The following SGMS1 variants were observed in gnomAD, a reference collection of about 807,000 sequenced individuals.
SGMS1 encodes sphingomyelin synthase 1, also known as phosphatidylcholine:ceramide cholinephosphotransferase 1.
SGMS1 carries 13 observed loss-of-function variants against 46.2 expected under a neutral mutation model. That is an observed-to-expected ratio of 0.28 (90% CI 0.18 to 0.45). The LOEUF (loss-of-function observed/expected upper bound fraction) is 0.45, where lower values mean the gene tolerates loss of function less well. Among genes scored for constraint, SGMS1 ranks in the 20% least tolerant of loss-of-function variants. The pLI, the probability that SGMS1 is intolerant of heterozygous loss-of-function variation, is 1.00. For missense variants in SGMS1, 324 were observed against 519.9 expected (o/e 0.62, Z 3.66); for synonymous variants, 203 against 187.8 (o/e 1.08, Z -0.66).
intron 1 of SGMS1, among the ~76,000 whole-genome samples, chr10:50,607,974 C>T (rs1838712812): frequency 6.6e-6 from 1 of 152,228 alleles, no homozygotes; most frequent in Non-Finnish European, 1.5e-5. Context: ...TCAAAGTCAA[C>T]ATCCACCCAG....
intron 6 of SGMS1, among the ~76,000 whole-genome samples, chr10:50,424,025 A>G (rs1849291242): frequency 6.6e-6 from 1 of 152,238 alleles, no homozygotes; most frequent in African/African-American, 2.4e-5. Context: ...GCAAAGAAAC[A>G]GGGAGTCAAG....
At chr10:50,435,221 A>G (rs1279837224) in intron 5 of SGMS1, among the ~76,000 whole-genome samples, 1 of 152,224 alleles carries the variant, frequency 6.6e-6, no homozygotes, top group East Asian at 1.9e-4. Context: ...TCTAAGGCTC[A>G]GTTTCCAAGT....
chr10:50,432,297 A>G (rs1042248444), intron 6 of SGMS1, among the ~76,000 whole-genome samples: 1 of 152,122 alleles, frequency 6.6e-6, no homozygotes, highest in Non-Finnish European at 1.5e-5. Context: ...AAACAAAGGT[A>G]ATAAATACTC....
chr10:50,376,435 A>AT (rs1222884706), intron 6 of SGMS1, among the ~76,000 whole-genome samples: 2 of 152,012 alleles, frequency 1.3e-5, no homozygotes, highest in Admixed American at 6.6e-5. Flanking sequence ...ATCAATGAGC[A>AT]TTTTTTTTAA....
At chr10:50,518,182 T>TGTAGG (rs1161439488) in intron 3 of SGMS1, among the ~76,000 whole-genome samples, 2 of 152,190 alleles carry the variant, frequency 1.3e-5, no homozygotes, top group Non-Finnish European at 2.9e-5. Context: ...GGAGTCTTCA[T>TGTAGG]TAGGTATACT....
intron 9 of SGMS1, 110 bp from the exon 10 acceptor site, chr10:50,308,258 T>A: frequency 2.1e-6 from 2 of 941,214 alleles, no homozygotes; most frequent in Non-Finnish European, 3.1e-6. Context: ...TCTTCCCTTC[T>A]GAAAACAGAT....
intron 6 of SGMS1, among the ~76,000 whole-genome samples, chr10:50,356,420 G>C (rs569622036): frequency 6.6e-6 from 1 of 152,038 alleles, no homozygotes; most frequent in Admixed American, 6.5e-5. Flanking sequence ...CAAACACTGC[G>C]GAAGGCGGAA....
intron 2 of SGMS1, among the ~76,000 whole-genome samples, chr10:50,572,369 T>G (rs566112713): frequency 1.3e-5 from 2 of 152,344 alleles, no homozygotes; most frequent in Admixed American, 1.3e-4. Flanking sequence ...CTGCTTGTTC[T>G]CTAACATTCT....
chr10:50,440,265 C>G lies in SGMS1; in HGVS notation c.-312-6709G>C, dbSNP rs182514288. On this transcript the variant is annotated intron_variant, in intron 5 of 10. Coordinates refer to ENST00000361781, the MANE Select transcript of SGMS1 (RefSeq NM_147156.4). ...CTGTTACAGAACTCTCCCAGCAACC[C>G]AAATTAAAAAATATATATATATATA... 2.3e-3 allele frequency among the ~76,000 whole-genome samples: 339 copies of G among 150,362 alleles called. 2 individuals carry two copies. The highest frequency in any genetic ancestry group is 5.4e-3 in the South Asian group (26 of 4,794).
intron 2 of SGMS1, among the ~76,000 whole-genome samples, chr10:50,535,201 C>A (rs1042466955): frequency 4.0e-5 from 6 of 149,964 alleles, no homozygotes; most frequent in African/African-American, 1.5e-4. Flanking sequence ...CACTGCACTC[C>A]AGCATGGTGA....
intron 7 of SGMS1, among the ~76,000 whole-genome samples, chr10:50,331,512 A>G (rs1847623404): frequency 6.6e-6 from 1 of 152,096 alleles, no homozygotes; most frequent in Non-Finnish European, 1.5e-5. Flanking sequence ...CTAAAATTAC[A>G]TGTGTCCATT....
chr10:50,411,348 C>A (rs963866097), intron 6 of SGMS1, among the ~76,000 whole-genome samples: 3 of 152,074 alleles, frequency 2.0e-5, no homozygotes, highest in Admixed American at 1.3e-4. Context: ...ATGTCTAGGA[C>A]GTGTTTGAGC....
At chr10:50,617,020 A>T (rs541943070) in intron 1 of SGMS1, among the ~76,000 whole-genome samples, 119 of 152,314 alleles carry the variant, frequency 7.8e-4, no homozygotes, top group Admixed American at 2.7e-3. Context: ...TATAAAGAAA[A>T]GTAGGGGCTC....
At chr10:50,588,047 C>CT (rs1428745338) in intron 2 of SGMS1, among the ~76,000 whole-genome samples, 1 of 152,140 alleles carries the variant, frequency 6.6e-6, no homozygotes, top group Non-Finnish European at 1.5e-5. Flanking sequence ...TCAAAACCCC[C>CT]TTTGCCTCAC....
intron 6 of SGMS1, among the ~76,000 whole-genome samples, chr10:50,391,911 G>C (rs10825859): frequency 0.29 from 43,065 of 149,856 alleles, 6,720 homozygotes; most frequent in Middle Eastern, 0.39. Context: ...GGTCATTATC[G>C]TAAGTGAAGT....
At chr10:50,324,090 C>T (rs548947337) in intron 8 of SGMS1, among the ~76,000 whole-genome samples, 3 of 152,278 alleles carry the variant, frequency 2.0e-5, no homozygotes, top group Admixed American at 6.5e-5. Flanking sequence ...AAGTCCTCTT[C>T]TTACTTCTGT....
At chr10:50,319,368 C>T (rs550327542) in intron 8 of SGMS1, among the ~76,000 whole-genome samples, 7 of 152,122 alleles carry the variant, frequency 4.6e-5, no homozygotes, top group Non-Finnish European at 1.0e-4. Flanking sequence ...CATCTAAACA[C>T]AGTAACAAGG....
intron 6 of SGMS1, among the ~76,000 whole-genome samples, chr10:50,390,483 C>A (rs954443121): frequency 3.9e-5 from 6 of 152,168 alleles, no homozygotes; most frequent in Non-Finnish European, 5.9e-5. Flanking sequence ...ATGTTCATGT[C>A]AGCTGGGCGT....
chr10:50,538,389 C>T (rs1037285023), intron 2 of SGMS1, among the ~76,000 whole-genome samples: 4 of 144,762 alleles, frequency 2.8e-5, no homozygotes, highest in Admixed American at 1.5e-4. Flanking sequence ...ACCCGGGAGG[C>T]GGAGCTTGCA....
Sources: allele counts gnomAD v4.1 joint callset (sites outside exome capture counted in the v4.1 genomes callset), GRCh38; gene constraint gnomAD v4.1.1; transcripts MANE v1.5; gene names NCBI Gene and HGNC (gene_info 2026-07-23, HGNC 2026-07-21).